The following NFIL3 variants were observed in gnomAD, a reference collection of about 807,000 sequenced individuals.
NFIL3 encodes the protein nuclear factor interleukin-3-regulated protein.
A neutral mutation model predicts 10.0 loss-of-function variants in NFIL3; 5 were observed. That is an observed-to-expected ratio of 0.50 (90% CI 0.26 to 1.06). NFIL3 has a LOEUF of 1.06. Among genes scored for constraint, NFIL3 ranks in the 50% least tolerant of loss-of-function variants. The pLI is 0.13. For missense variants in NFIL3, 436 were observed against 547.6 expected, an observed-to-expected ratio of 0.80 and a Z score of 2.03; for synonymous variants, 202 against 206.5, an observed-to-expected ratio of 0.98 and a Z score of 0.19.
upstream of NFIL3, among the ~76,000 whole-genome samples, chr9:91,425,365 A>T (rs551240881): frequency 7.2e-5 from 11 of 152,288 alleles, no homozygotes; most frequent in African/African-American, 1.4e-4. Context: ...AGTCATATTT[A>T]AAAAATTTTT....
intron 1 of NFIL3, among the ~76,000 whole-genome samples, chr9:91,420,212 T>G (rs879325572): frequency 1.3e-5 from 2 of 152,024 alleles, no homozygotes; most frequent in Non-Finnish European, 2.9e-5. Context: ...GAAATTAACA[T>G]TGAACACGAT....
In NFIL3 at chr9:91,411,771, G is replaced by C. The variant is rs183257022; in HGVS notation, c.-172-865C>G. Among the ~76,000 whole-genome samples, 7 of 152,158 alleles carry C rather than the reference G, an allele frequency of 4.6e-5. 1 individual carries two copies. Among genetic ancestry groups the C allele is most frequent in the African/African-American group, 1.7e-4 (7 of 41,512 alleles). On this transcript the variant is annotated intron_variant, in intron 1 of 1. Transcript: ENST00000297689. ...TGATCTTGAAAATTCTGTCAAAATA[G>C]ATTTCAGGTTTCAGTTACATAGTAG...
At chr9:91,443,027 T>C in the NFIL3 span, among the ~76,000 whole-genome samples, 5 of 152,268 alleles carry the variant, frequency 3.3e-5, no homozygotes, top group East Asian at 9.7e-4. Flanking sequence ...CTTCACTGAA[T>C]GACAGAACAG....
the NFIL3 span, among the ~76,000 whole-genome samples, chr9:91,467,150 C>T: frequency 6.6e-6 from 1 of 152,044 alleles, no homozygotes; most frequent in South Asian, 2.1e-4. Flanking sequence ...AAATATCTCT[C>T]TCTGTCTTTA....
the NFIL3 span, among the ~76,000 whole-genome samples, chr9:91,452,639 T>C: frequency 6.6e-6 from 1 of 151,716 alleles, no homozygotes; most frequent in African/African-American, 2.4e-5. Context: ...AACTAAAAAT[T>C]AGCCAGGTGT....
chr9:91,415,623 C>CT (rs994764308), intron 1 of NFIL3, among the ~76,000 whole-genome samples: 2,375 of 142,648 alleles, frequency 0.017, 27 homozygotes, highest in Non-Finnish European at 0.024. Context: ...ACTACTTCTT[C>CT]TTTTTTTTTT....
chr9:91,428,554 C>G (rs1334281161), upstream of NFIL3, among the ~76,000 whole-genome samples: 4 of 152,216 alleles, frequency 2.6e-5, no homozygotes, highest in Admixed American at 2.6e-4. Context: ...ATAACATTCC[C>G]TGTAGAAGCG....
the NFIL3 span, among the ~76,000 whole-genome samples, chr9:91,469,525 T>C: frequency 1.3e-5 from 2 of 152,152 alleles, no homozygotes; most frequent in Non-Finnish European, 2.9e-5. Context: ...CCTTTATTTC[T>C]TTCTCCTGCC....
chr9:91,461,016 T>G, the NFIL3 span, among the ~76,000 whole-genome samples: 3 of 152,224 alleles, frequency 2.0e-5, no homozygotes, highest in African/African-American at 7.2e-5. Context: ...TTTGTCATTT[T>G]CATTGGGAAC....
At chr9:91,463,119 G>C in the NFIL3 span, among the ~76,000 whole-genome samples, 639 of 151,556 alleles carry the variant, frequency 4.2e-3, 6 homozygotes, top group African/African-American at 0.015. Context: ...CGATCTTATT[G>C]ATATTTTCAA....
At chr9:91,415,135 C>A (rs1338175256) in intron 1 of NFIL3, among the ~76,000 whole-genome samples, 1 of 152,072 alleles carries the variant, frequency 6.6e-6, no homozygotes, top group Non-Finnish European at 1.5e-5. Context: ...AGAGAAAAAC[C>A]AAACTCCCGA....
chr9:91,455,990 G>A, the NFIL3 span, among the ~76,000 whole-genome samples: 1 of 152,104 alleles, frequency 6.6e-6, no homozygotes. Flanking sequence ...TCTGTCATTG[G>A]AGATTAATTC....
chr9:91,476,806 C>T, the NFIL3 span, among the ~76,000 whole-genome samples: 3 of 152,106 alleles, frequency 2.0e-5, no homozygotes, highest in South Asian at 2.1e-4. Flanking sequence ...ATCTATTGCA[C>T]GTAAAGCAGC....
In NFIL3 at chr9:91,409,243, G is replaced by T; in HGVS notation, c.*103C>A. 9.2e-7 allele frequency: 1 copy of T among 1,089,672 alleles called. No individual in the cohort carries two copies. Among genetic ancestry groups the T allele is most frequent in the Non-Finnish European group, 1.3e-6 (1 of 764,006 alleles). 67.5% of individuals were successfully genotyped at this position (1,089,672 alleles called of 1,614,324 possible). ...ACAGACAACATGTGCACATCACAGT[G>T]AAATGACATCACAGGTCCAGTGAAA... is the stretch of plus-strand genomic sequence containing the variant. On this transcript the variant is annotated 3_prime_UTR_variant, in exon 2 of 2. Coordinates refer to ENST00000297689, the MANE Select transcript of NFIL3 (RefSeq NM_005384.3).
the NFIL3 span, among the ~76,000 whole-genome samples, chr9:91,466,024 C>A: frequency 4.0e-5 from 6 of 151,282 alleles, no homozygotes; most frequent in South Asian, 1.3e-3. Flanking sequence ...TACAGTAGAT[C>A]TGTGTGTGTG....
chr9:91,429,921 C>T, the NFIL3 span, among the ~76,000 whole-genome samples: 2 of 152,054 alleles, frequency 1.3e-5, no homozygotes, highest in Admixed American at 1.3e-4. Flanking sequence ...TGGCTGTGGG[C>T]AACTTACTTT....
chr9:91,446,812 C>CTT, the NFIL3 span, among the ~76,000 whole-genome samples: 1 of 150,826 alleles, frequency 6.6e-6, no homozygotes, highest in African/African-American at 2.4e-5. Flanking sequence ...CTCTCTCTCT[C>CTT]TCTTTCTTTC....
Position 91,415,907 on chromosome 9 carries a change from G to A in NFIL3, c.-172-5001C>T, listed in dbSNP as rs937191286. On this transcript the variant is annotated intron_variant, in intron 1 of 1. Transcript: ENST00000297689. ...CTCCCAAAGTGCTGGGATTACAGGC[G>A]TGAGCCGTCACGCCTGGCTCCTTAA... Among the ~76,000 whole-genome samples the A allele has an allele frequency of 1.1e-4, 16 of 152,292 alleles. No homozygotes were observed. In the South Asian group the frequency reaches 3.1e-3, roughly 30 times the overall value.
At chr9:91,456,280 T>C in the NFIL3 span, among the ~76,000 whole-genome samples, 4 of 152,178 alleles carry the variant, frequency 2.6e-5, no homozygotes, top group Admixed American at 2.0e-4. Context: ...TGTAGGTTAA[T>C]GGTTAATTTT....
Sources: allele counts gnomAD v4.1 joint callset (sites outside exome capture counted in the v4.1 genomes callset), GRCh38; gene constraint gnomAD v4.1.1; transcripts MANE v1.5; gene names NCBI Gene and HGNC (gene_info 2026-07-23, HGNC 2026-07-21).